Variants in CCDC171 observed in about 807,000 individuals in gnomAD.
CCDC171 encodes the protein coiled-coil domain containing 171.
In CCDC171, 177 loss-of-function variants were observed where a neutral mutation model predicts 168.2. That is an observed-to-expected ratio of 1.05 (90% CI 0.93 to 1.19). The LOEUF (loss-of-function observed/expected upper bound fraction) is 1.19, where lower values mean the gene tolerates loss of function less well. Ranked by LOEUF, CCDC171 falls within the 50% of genes most tolerant of loss-of-function variation. The pLI is 0.00. For missense variants in CCDC171, 1,991 were observed against 1,539.0 expected (o/e 1.29, Z -4.91); for synonymous variants, 687 against 540.8 (o/e 1.27, Z -3.75).
At chr9:15,841,432 A>G (rs2060676174) in intron 21 of CCDC171, among the ~76,000 whole-genome samples, 1 of 152,008 alleles carries the variant, frequency 6.6e-6, no homozygotes, top group Non-Finnish European at 1.5e-5. Flanking sequence ...GGATACCTTA[A>G]CATCTGTTGC....
rs996678599 is a variant in CCDC171, at chr9:15,999,313, GAAAGA to G, written n.369-21264_369-21260del. Among the ~76,000 whole-genome samples, 7 of 142,520 alleles carry G rather than the reference GAAAGA, an allele frequency of 4.9e-5. No homozygotes were observed. The East Asian group carries it at 6.2e-4, about 13-fold the overall frequency. 93.5% of individuals were successfully genotyped at this position (142,520 alleles called of 152,430 possible). A position where few individuals can be genotyped will look rare whatever the true frequency, so the allele number is the denominator to read the frequency against. The stretch of plus-strand genomic sequence containing the variant: ...AGGGAGGGAAGGAAGGAAGGAAAAA[GAAAGA>G]AAAGAAAAGAAGGAGGGAGGAAGGA... On this transcript the variant is annotated intron_variant and non_coding_transcript_variant, in intron 3 of 9. Transcript: ENST00000486641.
At chr9:15,691,568 A>ATATATATATATG (rs2050796908) in intron 10 of CCDC171, among the ~76,000 whole-genome samples, 1 of 145,568 alleles carries the variant, frequency 6.9e-6, no homozygotes, top group African/African-American at 2.5e-5. Flanking sequence ...ATATATATAT[A>ATATATATATATG]TATGTACACA....
chr9:15,906,311 A>C (rs1275484744), intron 24 of CCDC171, among the ~76,000 whole-genome samples: 2 of 152,176 alleles, frequency 1.3e-5, no homozygotes, highest in Non-Finnish European at 2.9e-5. Flanking sequence ...AGCACATCAA[A>C]AAGCTTATCC....
At chr9:15,902,248 ATATATATATATATG>A (rs60698479) in intron 24 of CCDC171, among the ~76,000 whole-genome samples, 5,874 of 144,222 alleles carry the variant, frequency 0.041, 313 homozygotes, top group African/African-American at 0.13. Flanking sequence ...TAAAATTCAT[ATATATATATATATG>A]TATATATATA....
chr9:15,822,134 A>G (rs1285353971), intron 21 of CCDC171, among the ~76,000 whole-genome samples: 1 of 152,232 alleles, frequency 6.6e-6, no homozygotes, highest in African/African-American at 2.4e-5. Flanking sequence ...AGCCATATGT[A>G]GAAAGCTGAC....
rs766159025 is a variant in CCDC171, at chr9:15,729,761, A to T, written c.2012A>T (p.Tyr671Phe). The T allele has an allele frequency of 6.2e-7, 1 of 1,612,474 alleles. No individual in the cohort carries two copies. Among genetic ancestry groups the T allele is most frequent in the Non-Finnish European group, 8.5e-7 (1 of 1,178,842 alleles). ...HRQKKELELQ[Y>F]SELFLEVQKR... ...CAAAAGAAGGAACTAGAGCTGCAGT[A>T]TTCTGAACTCTTCCTGGAGGTGCAG... Residue 671 changes from tyrosine (Y) to phenylalanine (F), a missense_variant, in exon 16 of 26, where the codon TAT becomes TTT. By Grantham distance (22) the Tyr-to-Phe change is conservative (BLOSUM62 3). Coordinates refer to ENST00000380701, the MANE Select transcript of CCDC171 (RefSeq NM_173550.4).
At chr9:15,791,376 A>G (rs1310950337) in intron 21 of CCDC171, among the ~76,000 whole-genome samples, 1 of 151,974 alleles carries the variant, frequency 6.6e-6, no homozygotes, top group African/African-American at 2.4e-5. Context: ...ATGGGAGTTC[A>G]CTCATGATTT....
At chr9:15,623,471 GCGCGCACACACA>G (rs2044704007) in intron 7 of CCDC171, 58 bp downstream of exon 7, 9 of 505,418 alleles carry the variant, frequency 1.8e-5, no homozygotes, top group Admixed American at 3.9e-5. Flanking sequence ...ATATGCGCGC[GCGCGCACACACA>G]CACACACACA....
intron 6 of CCDC171, among the ~76,000 whole-genome samples, chr9:15,619,173 C>T (rs1424621294): frequency 6.6e-6 from 1 of 152,110 alleles, no homozygotes; most frequent in Non-Finnish European, 1.5e-5. Flanking sequence ...CCAGTTAACT[C>T]TACAGTGTCC....
chr9:15,618,408 G>C (rs762625500), intron 6 of CCDC171, among the ~76,000 whole-genome samples: 33 of 152,214 alleles, frequency 2.2e-4, no homozygotes, highest in Admixed American at 2.2e-3. Context: ...CCAGACTGCT[G>C]TGCTGGCAGT....
At chr9:15,641,083 C>T (rs1051732223) in intron 7 of CCDC171, among the ~76,000 whole-genome samples, 7 of 151,970 alleles carry the variant, frequency 4.6e-5, no homozygotes, top group African/African-American at 1.7e-4. Context: ...TTGGAATCAC[C>T]TTTTTGTAGA....
intron 23 of CCDC171, among the ~76,000 whole-genome samples, chr9:15,873,117 A>G (rs1817396594): frequency 6.6e-6 from 1 of 152,100 alleles, no homozygotes; most frequent in Non-Finnish European, 1.5e-5. Flanking sequence ...GAAAGTCTTC[A>G]GATCAGCTTG....
chr9:15,810,681 CG>C (rs2059310411), intron 21 of CCDC171, among the ~76,000 whole-genome samples: 1 of 152,202 alleles, frequency 6.6e-6, no homozygotes, highest in African/African-American at 2.4e-5. Context: ...CCGGCAGTGC[CG>C]GCTGGCTGCT....
chr9:16,098,299 A>T, the CCDC171 span, among the ~76,000 whole-genome samples: 5 of 152,180 alleles, frequency 3.3e-5, no homozygotes, highest in African/African-American at 1.2e-4. Context: ...AAAGTGTTTA[A>T]AATGTAGTGG....
downstream of CCDC171, among the ~76,000 whole-genome samples, chr9:16,062,746 C>T (rs1833947874): frequency 6.6e-6 from 1 of 152,140 alleles, no homozygotes; most frequent in African/African-American, 2.4e-5. Flanking sequence ...GAGTGACATG[C>T]ACACAAATGA....
At chr9:15,790,822 C>A (rs1481034538) in intron 21 of CCDC171, among the ~76,000 whole-genome samples, 5 of 152,176 alleles carry the variant, frequency 3.3e-5, no homozygotes, top group African/African-American at 1.2e-4. Context: ...TATGGCTAGC[C>A]AGTTTTCTCA....
At position 15,847,392 on chromosome 9, in the gene CCDC171, T is replaced by C. The variant is rs140220201; in HGVS notation, c.3413+545T>C. On this transcript the variant is annotated intron_variant, in intron 22 of 25. Transcript: ENST00000380701. ...TTCTAATATTTTAAGTAGAAAAATATAGTTTTCAGAGTAGACCACTATGTA... is the reference window on the plus strand; with the variant it reads ...TTCTAATATTTTAAGTAGAAAAATACAGTTTTCAGAGTAGACCACTATGTA... 6.5e-3 allele frequency among the ~76,000 whole-genome samples: 991 copies of C among 152,200 alleles called. 15 individuals are homozygous for C. The highest frequency in any genetic ancestry group is 0.022 in the African/African-American group (934 of 41,576).
At chr9:15,769,871 C>T (rs919791819) in intron 18 of CCDC171, among the ~76,000 whole-genome samples, 3 of 152,180 alleles carry the variant, frequency 2.0e-5, no homozygotes, top group Non-Finnish European at 2.9e-5. Flanking sequence ...GGAAAGACTT[C>T]AGAACTCCTT....
the CCDC171 span, among the ~76,000 whole-genome samples, chr9:16,087,990 G>A: frequency 1.3e-5 from 2 of 151,786 alleles, no homozygotes; most frequent in Admixed American, 6.6e-5. Context: ...ACTGGCAAAC[G>A]AAATCCAGCA....
Sources: allele counts gnomAD v4.1 joint callset (sites outside exome capture counted in the v4.1 genomes callset), GRCh38; gene constraint gnomAD v4.1.1; transcripts MANE v1.5; gene names NCBI Gene and HGNC (gene_info 2026-07-23, HGNC 2026-07-21).